ATP8A2: variants seen among roughly 807,000 people sequenced by gnomAD.
ATP8A2 encodes the protein phospholipid-transporting ATPase IB.
In ATP8A2, 100 loss-of-function variants were observed where a neutral mutation model predicts 165.6. The observed-to-expected ratio is 0.60, with a 90% CI of 0.51 to 0.71. The LOEUF (loss-of-function observed/expected upper bound fraction) is 0.71. ATP8A2 is among the 30% of genes least tolerant of loss of function. The pLI is 0.00. For missense variants in ATP8A2, 1,227 were observed against 1,479.5 expected, an observed-to-expected ratio of 0.83 and a Z score of 2.80; for synonymous variants, 543 against 548.8, an observed-to-expected ratio of 0.99 and a Z score of 0.15.
At chr13:25,678,932 A>G (rs1007172642) in intron 24 of ATP8A2, among the ~76,000 whole-genome samples, 1 of 152,222 alleles carries the variant, frequency 6.6e-6, no homozygotes, top group Non-Finnish European at 1.5e-5. Flanking sequence ...GTTGGGTTTC[A>G]GGGGCAAAGA....
At chr13:25,806,633 A>C (rs573091988) in intron 27 of ATP8A2, among the ~76,000 whole-genome samples, 1 of 152,124 alleles carries the variant, frequency 6.6e-6, no homozygotes, top group Non-Finnish European at 1.5e-5. Context: ...TTTCACTGCT[A>C]TGAACATCTG....
chr13:25,409,762 T>C (rs527803368), intron 1 of ATP8A2, among the ~76,000 whole-genome samples: 1 of 152,280 alleles, frequency 6.6e-6, no homozygotes, highest in East Asian at 1.9e-4. Flanking sequence ...ACACCTAATT[T>C]TGTACTGCAA....
At chr13:25,387,307 CTT>C (rs1194113521) in intron 1 of ATP8A2, among the ~76,000 whole-genome samples, 2 of 152,168 alleles carry the variant, frequency 1.3e-5, no homozygotes, top group Admixed American at 6.5e-5. Context: ...AGACCTGAAA[CTT>C]TTCTTTCTGC....
At chr13:25,787,564 A>G (rs2045061338) in intron 27 of ATP8A2, among the ~76,000 whole-genome samples, 1 of 152,230 alleles carries the variant, frequency 6.6e-6, no homozygotes, top group Non-Finnish European at 1.5e-5. Context: ...TTACTTGGCA[A>G]ATACCTTAAA....
At chr13:25,436,387 T>C (rs2034776927) in intron 1 of ATP8A2, among the ~76,000 whole-genome samples, 1 of 152,170 alleles carries the variant, frequency 6.6e-6, no homozygotes, top group Non-Finnish European at 1.5e-5. Context: ...CCTGGTTAAT[T>C]CACTTCAGAT....
At chr13:25,902,762 T>C (rs1953797340) in intron 33 of ATP8A2, among the ~76,000 whole-genome samples, 1 of 152,056 alleles carries the variant, frequency 6.6e-6, no homozygotes, top group Non-Finnish European at 1.5e-5. Context: ...TTTCAACCCG[T>C]CTTATAGTGA....
chr13:25,692,860 C>G (rs2042755553), intron 24 of ATP8A2, among the ~76,000 whole-genome samples: 1 of 152,204 alleles, frequency 6.6e-6, no homozygotes, highest in Non-Finnish European at 1.5e-5. Context: ...AGCAGTCACT[C>G]ACTTTCGACA....
At chr13:25,929,976 G>A (rs968861713) in intron 33 of ATP8A2, among the ~76,000 whole-genome samples, 1 of 152,132 alleles carries the variant, frequency 6.6e-6, no homozygotes, top group Non-Finnish European at 1.5e-5. Context: ...GTTGCTCCAC[G>A]GTTCTCTCCA....
chr13:25,892,597 C>T (rs1429665724), intron 33 of ATP8A2, among the ~76,000 whole-genome samples: 1 of 151,710 alleles, frequency 6.6e-6, no homozygotes, highest in Non-Finnish European at 1.5e-5. Context: ...CTCTCTCTCT[C>T]TCTCCCTCCT....
At position 25,469,139 on chromosome 13, in the gene ATP8A2, G is replaced by A; in HGVS notation, c.221+18G>A. ...CAGATCAGGTAGGAGAAGGCGGCCGGCTCGCGCGGAAGGCGGTGGAGTCAC... is the reference window on the plus strand; with the variant it reads ...CAGATCAGGTAGGAGAAGGCGGCCGACTCGCGCGGAAGGCGGTGGAGTCAC... On this transcript the variant is annotated intron_variant, in intron 2 of 36. Coordinates refer to ENST00000381655, the MANE Select transcript of ATP8A2 (RefSeq NM_016529.6). 1 of 1,612,498 alleles carries A rather than the reference G, an allele frequency of 6.2e-7. No individual in the cohort carries two copies. The highest frequency in any genetic ancestry group is 8.5e-7 in the Non-Finnish European group (1 of 1,179,224).
In ATP8A2 at chr13:25,495,083, T is replaced by C. The variant is rs1419014713; in HGVS notation, c.221+25962T>C. 2.0e-5 allele frequency among the ~76,000 whole-genome samples: 3 copies of C among 152,246 alleles called. No individual in the cohort carries two copies. The East Asian group carries it at 5.8e-4, about 29-fold the overall frequency. ...ACCTATGTAAGCCCACCTTGGTTGTTGTTCCTGAGCACGTTGAGGACATTT... is the reference window on the plus strand; with the variant it reads ...ACCTATGTAAGCCCACCTTGGTTGTCGTTCCTGAGCACGTTGAGGACATTT... On this transcript the variant is annotated intron_variant, in intron 2 of 36. Coordinates refer to ENST00000381655, the MANE Select transcript of ATP8A2 (RefSeq NM_016529.6).
rs569292085 is a variant in ATP8A2 at position 25,621,261 on chromosome 13, G to A, written c.2211+31562G>A. ...TGTAACTTGCTTTGTGAACAAATAC[G>A]TATGAAATCTACATAAGTGTGTTAA... On this transcript the variant is annotated intron_variant, in intron 24 of 36. Coordinates refer to ENST00000381655, the MANE Select transcript of ATP8A2 (RefSeq NM_016529.6). Among the ~76,000 whole-genome samples, 22 of 152,252 alleles carry A rather than the reference G, an allele frequency of 1.4e-4. 1 individual carries two copies. The highest frequency in any genetic ancestry group is 1.4e-3 in the Admixed American group (21 of 15,290).
intron 31 of ATP8A2, 87 bp downstream of exon 31, chr13:25,860,343 A>C (rs1222167647): frequency 4.4e-6 from 3 of 684,312 alleles, no homozygotes; most frequent in East Asian, 5.4e-5. Flanking sequence ...GGCCTTCCTC[A>C]TTATTATTAT....
chr13:25,664,245 T>TC (rs2042106847), intron 24 of ATP8A2, among the ~76,000 whole-genome samples: 1 of 152,230 alleles, frequency 6.6e-6, no homozygotes, highest in Non-Finnish European at 1.5e-5. Flanking sequence ...GTAAAGGTCT[T>TC]TACCTACTTT....
chr13:25,411,039 C>T (rs541239558), intron 1 of ATP8A2, among the ~76,000 whole-genome samples: 68 of 152,318 alleles, frequency 4.5e-4, no homozygotes, highest in African/African-American at 1.2e-3. Context: ...CTCTTAATCT[C>T]TCAGGTAGGT....
chr13:25,483,131 T>G lies in ATP8A2; in HGVS notation c.221+14010T>G, dbSNP rs1402061866. Among the ~76,000 whole-genome samples, 4 of 152,274 alleles carry G rather than the reference T, an allele frequency of 2.6e-5. No individual in the cohort carries two copies. The East Asian group carries it at 7.7e-4, about 29-fold the overall frequency. ...ATTTAGAATAAGCATATGAGGCTGC[T>G]GTCATTGCCCAGGAAGAGGTGCAGG... On this transcript the variant is annotated intron_variant, in intron 2 of 36. Coordinates refer to ENST00000381655, the MANE Select transcript of ATP8A2 (RefSeq NM_016529.6).
At chr13:25,423,612 A>G (rs2034360548) in intron 1 of ATP8A2, among the ~76,000 whole-genome samples, 2 of 152,244 alleles carry the variant, frequency 1.3e-5, no homozygotes, top group African/African-American at 4.8e-5. Flanking sequence ...GCAGCAATGA[A>G]TATCATCAGT....
At chr13:25,475,619 A>G (rs761619851) in intron 2 of ATP8A2, among the ~76,000 whole-genome samples, 7 of 152,168 alleles carry the variant, frequency 4.6e-5, no homozygotes, top group Non-Finnish European at 8.8e-5. Flanking sequence ...AGTTGAACTA[A>G]TTTACACTTT....
At chr13:25,849,725 T>C (rs894127412) in intron 30 of ATP8A2, among the ~76,000 whole-genome samples, 2 of 152,170 alleles carry the variant, frequency 1.3e-5, no homozygotes, top group Non-Finnish European at 2.9e-5. Flanking sequence ...TTATGTCTGT[T>C]CCTGAACCCC....
Sources: gnomAD v4.1 joint callset for allele counts (sites outside exome capture counted in the v4.1 genomes callset) on GRCh38, gnomAD v4.1.1 for gene constraint, MANE v1.5 for transcripts, NCBI Gene and HGNC (gene_info 2026-07-23, HGNC 2026-07-21) for gene names.